Variants in DIAPH2 observed in about 807,000 individuals in gnomAD.
DIAPH2 encodes the protein diaphanous related formin 2.
Under a neutral mutation model 92.7 loss-of-function variants are expected in DIAPH2, and 35 were observed. The observed-to-expected ratio is 0.38, with a 90% CI of 0.29 to 0.50. The LOEUF (loss-of-function observed/expected upper bound fraction) is 0.50, where lower values mean the gene tolerates loss of function less well. DIAPH2 is among the 20% of genes least tolerant of loss of function. The pLI, the probability that DIAPH2 is intolerant of heterozygous loss-of-function variation, is 0.94. For missense variants in DIAPH2, 701 were observed against 819.5 expected (o/e 0.86, Z 1.77); for synonymous variants, 301 against 280.4 (o/e 1.07, Z -0.73).
intron 1 of DIAPH2, among the ~76,000 whole-genome samples, chrX:96,714,448 G>C (rs758957426): frequency 1.8e-5 from 2 of 110,410 alleles, no homozygotes; most frequent in Non-Finnish European, 3.8e-5. Flanking sequence ...ATTTTTAGTA[G>C]AGACTGGGTT....
In DIAPH2 at chrX:97,189,222, C is replaced by T. The variant is rs182447373; in HGVS notation, c.2719+47428C>T. On this transcript the variant is annotated intron_variant, in intron 22 of 26. Coordinates refer to ENST00000324765, the MANE Select transcript of DIAPH2 (RefSeq NM_006729.5). ...AGACATTATTCTGATGTCTGAAGAG[C>T]GGAGGTTAAAGGAAAGGTTGACTAA... Among the ~76,000 whole-genome samples the T allele has an allele frequency of 3.6e-5, 4 of 111,209 alleles. No individual in the cohort carries two copies. The South Asian group carries it at 1.1e-3, about 32-fold the overall frequency.
At chrX:97,113,335 T>C (rs2066995713) in intron 20 of DIAPH2, among the ~76,000 whole-genome samples, 1 of 111,985 alleles carries the variant, frequency 8.9e-6, no homozygotes, top group African/African-American at 3.2e-5. Context: ...TCAGACTATA[T>C]TGTAAGCTTT....
chrX:97,187,472 C>T (rs1372109787), intron 22 of DIAPH2, among the ~76,000 whole-genome samples: 2 of 107,458 alleles, frequency 1.9e-5, no homozygotes, highest in Non-Finnish European at 3.8e-5. Context: ...GACAAGGTTT[C>T]ACCATGTTTG....
intron 22 of DIAPH2, among the ~76,000 whole-genome samples, chrX:97,190,566 C>T (rs751914046): frequency 1.8e-4 from 20 of 111,697 alleles, no homozygotes; most frequent in Non-Finnish European, 3.6e-4. Flanking sequence ...CATTGTAAAT[C>T]GGCCAGGCAT....
At chrX:96,967,426 T>TCA (rs1196361747) in intron 17 of DIAPH2, among the ~76,000 whole-genome samples, 3 of 110,753 alleles carry the variant, frequency 2.7e-5, no homozygotes, top group South Asian at 3.9e-4. Flanking sequence ...ATTCATTCAT[T>TCA]TATTCATTTT....
intron 22 of DIAPH2, among the ~76,000 whole-genome samples, chrX:97,228,686 A>G (rs1204506323): frequency 2.7e-5 from 3 of 111,899 alleles, no homozygotes; most frequent in Non-Finnish European, 5.6e-5. Flanking sequence ...CTCAAATAAA[A>G]TTAGAATCCC....
chrX:97,225,514 A>G, intron 22 of DIAPH2, among the ~76,000 whole-genome samples: 1 of 111,114 alleles, frequency 9.0e-6, no homozygotes, highest in Non-Finnish European at 1.9e-5. Context: ...ACTTTAACTG[A>G]CCTCTTTGAT....
At chrX:97,429,940 A>G (rs1308463987) in intron 26 of DIAPH2, among the ~76,000 whole-genome samples, 195 bp downstream of exon 26, 2 of 112,222 alleles carry the variant, frequency 1.8e-5, no homozygotes, top group African/African-American at 6.5e-5. Flanking sequence ...ATGTATCTTC[A>G]AATAACTGTA....
chrX:97,129,815 A>G (rs2067126123), intron 21 of DIAPH2, among the ~76,000 whole-genome samples: 1 of 111,552 alleles, frequency 9.0e-6, no homozygotes, highest in Non-Finnish European at 1.9e-5. Context: ...ACAGAGTGAA[A>G]AAAAGGCAAC....
intron 4 of DIAPH2, among the ~76,000 whole-genome samples, chrX:96,781,236 A>C (rs2064415772): frequency 1.8e-5 from 2 of 111,813 alleles, no homozygotes; most frequent in South Asian, 7.5e-4. Context: ...CTAAGCTGTA[A>C]ATCTGTGGGA....
intron 13 of DIAPH2, among the ~76,000 whole-genome samples, chrX:96,944,681 T>C (rs886574450): frequency 2.9e-4 from 32 of 112,012 alleles, no homozygotes; most frequent in African/African-American, 9.7e-4. Flanking sequence ...TATTTTGAGA[T>C]TCATTCATGT....
intron 24 of DIAPH2, among the ~76,000 whole-genome samples, chrX:97,352,834 T>C (rs1410286674): frequency 4.5e-5 from 4 of 89,787 alleles, no homozygotes; most frequent in Non-Finnish European, 6.3e-5. Flanking sequence ...CACGCCACTG[T>C]ACTCCAGTCT....
At chrX:97,480,856 T>C (rs2070645970) in intron 26 of DIAPH2, among the ~76,000 whole-genome samples, 1 of 112,372 alleles carries the variant, frequency 8.9e-6, no homozygotes, top group East Asian at 2.8e-4. Context: ...TTCTACCTTA[T>C]GCATGTTTCT....
chrX:97,300,931 TAAAAAAAAA>T (rs774601881), intron 23 of DIAPH2, among the ~76,000 whole-genome samples: 2 of 10,795 alleles, frequency 1.9e-4, no homozygotes, highest in African/African-American at 6.0e-4. Flanking sequence ...GACTCCGTCT[TAAAAAAAAA>T]AAAAAAAAAA....
intron 1 of DIAPH2, among the ~76,000 whole-genome samples, chrX:96,694,631 G>A (rs903042474): frequency 2.7e-5 from 3 of 111,309 alleles, no homozygotes; most frequent in Admixed American, 9.5e-5. Flanking sequence ...ATGAGCTACC[G>A]CGCCTGGCTG....
Position 97,601,581 on chromosome X carries a change from C to CAAAA in DIAPH2, c.*2268_*2271dup. On this transcript the variant is annotated 3_prime_UTR_variant, in exon 27 of 27. Transcript: ENST00000324765. ...TTTAGATGATTGGAAAGTATATCAC[C>CAAAA]AAAAAAAGTATATAGTGACATTTTT... is the stretch of plus-strand genomic sequence containing the variant. The CAAAA allele has an allele frequency of 9.0e-6, 1 of 111,432 alleles. No individual in the cohort carries two copies. Among genetic ancestry groups the CAAAA allele is most frequent in the East Asian group, 2.8e-4 (1 of 3,552 alleles). The allele number at this position is 111,432 out of a possible 1,213,427, so 9.2% of individuals were successfully genotyped here. A position where few individuals can be genotyped will look rare whatever the true frequency, so the allele number is the denominator to read the frequency against.
intron 4 of DIAPH2, among the ~76,000 whole-genome samples, chrX:96,869,483 AC>A (rs1180040023): frequency 9.2e-6 from 1 of 109,116 alleles, no homozygotes; most frequent in Non-Finnish European, 1.9e-5. Context: ...AATCACTTGA[AC>A]CCAGGAGGCG....
intron 23 of DIAPH2, among the ~76,000 whole-genome samples, chrX:97,266,863 CA>C (rs1470581577): frequency 9.0e-6 from 1 of 111,634 alleles, no homozygotes; most frequent in Admixed American, 9.6e-5. Context: ...CTGCATCTGT[CA>C]AAAATGACAC....
chrX:97,211,083 A>G (rs1156946029), intron 22 of DIAPH2, among the ~76,000 whole-genome samples: 2 of 111,983 alleles, frequency 1.8e-5, no homozygotes, highest in East Asian at 5.6e-4. Flanking sequence ...AGATCAGCAT[A>G]AAGAGTAAAT....
Sources: allele counts gnomAD v4.1 joint callset (sites outside exome capture counted in the v4.1 genomes callset), GRCh38; gene constraint gnomAD v4.1.1; transcripts MANE v1.5; gene names NCBI Gene and HGNC (gene_info 2026-07-23, HGNC 2026-07-21).